AGBL1: variants seen among roughly 807,000 people sequenced by gnomAD.
AGBL1 encodes AGBL carboxypeptidase 1, also known as cytosolic carboxypeptidase 4.
AGBL1 carries 130 observed loss-of-function variants against 118.9 expected under a neutral mutation model. The ratio of observed to expected loss-of-function variants is 1.09; its 90% CI spans 0.95 to 1.26. The LOEUF (loss-of-function observed/expected upper bound fraction) is 1.26. AGBL1 is among the 50% of genes most tolerant of loss of function. The pLI is 0.00. For synonymous variants in AGBL1, 555 were observed against 478.9 expected, an observed-to-expected ratio of 1.16 and a Z score of -2.08; for missense variants, 1,584 against 1,298.1, an observed-to-expected ratio of 1.22 and a Z score of -3.38.
chr15:86,715,999 G>C (rs2086632423), intron 22 of AGBL1, among the ~76,000 whole-genome samples: 1 of 151,322 alleles, frequency 6.6e-6, no homozygotes, highest in African/African-American at 2.4e-5. Context: ...CCGGGAGGTG[G>C]AGCTTGCAGT....
At chr15:86,741,537 G>A (rs915566885) in intron 22 of AGBL1, among the ~76,000 whole-genome samples, 1 of 151,836 alleles carries the variant, frequency 6.6e-6, no homozygotes, top group Non-Finnish European at 1.5e-5. Context: ...CATTATGGTG[G>A]GGACAATGTT....
intron 1 of AGBL1, among the ~76,000 whole-genome samples, chr15:86,109,496 T>G (rs570065410): frequency 6.4e-4 from 98 of 152,370 alleles, no homozygotes; most frequent in South Asian, 2.1e-3. Context: ...ACATTTTATA[T>G]AATACCATTT....
intron 21 of AGBL1, among the ~76,000 whole-genome samples, chr15:86,603,788 C>T (rs1227986148): frequency 1.3e-5 from 2 of 152,092 alleles, no homozygotes; most frequent in African/African-American, 2.4e-5. Context: ...TGGAAGGAAC[C>T]CAGAGGGCCC....
rs1249977160 is a variant in AGBL1, at chr15:86,914,726, A to G, written c.*7432A>G. ...ATACAGGTAGTAAGTAGCAGATCAC[A>G]ACCTTAACTCAGGCAATCGGACTCT... On this transcript the variant is annotated 3_prime_UTR_variant, in exon 23 of 23. Transcript: ENST00000614907. 1 of 152,190 alleles carries G rather than the reference A, an allele frequency of 6.6e-6. No individual in the cohort carries two copies. The highest frequency in any genetic ancestry group is 1.9e-4 in the East Asian group (1 of 5,188). The allele number at this position is 152,190 out of a possible 1,614,324, so 9.4% of individuals were successfully genotyped here.
chr15:86,247,683 G>T lies in AGBL1; in HGVS notation c.539G>T (p.Arg180Leu), dbSNP rs534090396. ...AALLKSKSNG[R>L]RAVNRGYVTS... The stretch of plus-strand genomic sequence containing the variant: ...CCTTTGTTTTCAGAGTCGAACGGCC[G>T]CAGAGCAGTGAACCGAGGCTACGTC... The change falls in exon 7 of 23, where the codon CGC becomes CTC. Residue 180 changes from arginine to leucine, a missense_variant. Arg to Leu is a moderately radical substitution (Grantham distance 102). Transcript: ENST00000614907. 5.0e-6 allele frequency: 8 copies of T among 1,606,360 alleles called. No individual in the cohort carries two copies. In the Admixed American group the frequency reaches 6.8e-5, roughly 14 times the overall value.
intron 21 of AGBL1, among the ~76,000 whole-genome samples, chr15:86,595,337 C>T (rs2084390687): frequency 6.6e-6 from 1 of 152,148 alleles, no homozygotes; most frequent in Admixed American, 6.5e-5. Flanking sequence ...TGCTTCAAAA[C>T]TTGCTCCTCT....
intron 21 of AGBL1, among the ~76,000 whole-genome samples, chr15:86,600,100 A>G (rs1239721122): frequency 6.6e-6 from 1 of 152,108 alleles, no homozygotes; most frequent in Non-Finnish European, 1.5e-5. Context: ...CTTTCCAGTT[A>G]TTACTGATCT....
chr15:87,002,981 A>C (rs62031583), intron 24 of AGBL1, among the ~76,000 whole-genome samples: 2 of 152,088 alleles, frequency 1.3e-5, no homozygotes, highest in Non-Finnish European at 2.9e-5. Flanking sequence ...CTTTCCCCTG[A>C]CTGATTGCCC....
chr15:86,658,304 T>C (rs535977964), intron 21 of AGBL1, among the ~76,000 whole-genome samples: 8 of 152,286 alleles, frequency 5.3e-5, no homozygotes, highest in Admixed American at 2.0e-4. Flanking sequence ...AGGGATTTTG[T>C]CCTTAGCCTG....
intron 13 of AGBL1, among the ~76,000 whole-genome samples, chr15:86,268,111 A>G (rs1365726876): frequency 6.6e-6 from 1 of 152,176 alleles, no homozygotes; most frequent in Non-Finnish European, 1.5e-5. Context: ...AGGGATGCAT[A>G]TTCGCCATTG....
chr15:86,762,734 CT>C (rs1413970463), intron 22 of AGBL1, among the ~76,000 whole-genome samples: 1 of 151,968 alleles, frequency 6.6e-6, no homozygotes, highest in African/African-American at 2.4e-5. Context: ...GTTTCTTTAT[CT>C]CTGAAAACAG....
At chr15:86,753,052 A>G (rs2077879033) in intron 22 of AGBL1, among the ~76,000 whole-genome samples, 1 of 151,544 alleles carries the variant, frequency 6.6e-6, no homozygotes, top group South Asian at 2.1e-4. Context: ...CTCCTTGACA[A>G]CTCTTTTCTT....
intron 5 of AGBL1, among the ~76,000 whole-genome samples, chr15:86,214,755 G>C (rs950126061): frequency 2.6e-5 from 4 of 152,190 alleles, no homozygotes; most frequent in African/African-American, 4.8e-5. Flanking sequence ...CTCCTTTGCA[G>C]AGTCTCTGCT....
intron 22 of AGBL1, among the ~76,000 whole-genome samples, chr15:86,894,880 G>A (rs988139140): frequency 7.9e-5 from 12 of 152,188 alleles, no homozygotes. Flanking sequence ...AGATAGAAAG[G>A]TTGGCAGGAG....
chr15:86,957,031 A>G (rs550741170), intron 23 of AGBL1, among the ~76,000 whole-genome samples: 11 of 152,226 alleles, frequency 7.2e-5, no homozygotes, highest in African/African-American at 2.6e-4. Flanking sequence ...AAAAAACATG[A>G]CATGAAACAT....
Position 86,256,948 on chromosome 15 carries a change from A to G in AGBL1, c.831A>G (p.Thr277=), listed in dbSNP as rs1419262726. The change falls in exon 8 of 23, where the codon ACA becomes ACG. Residue 277 remains threonine, a synonymous_variant. Transcript: ENST00000614907. The part of the protein sequence containing the change: ...CYPTSPLPLV[T]ASSAYAFPVP... ...CTACGAGTCCACTTCCCTTGGTCACAGCCAGCAGTGCCTATGCCTTCCCGG... is the reference window on the plus strand; with the variant it reads ...CTACGAGTCCACTTCCCTTGGTCACGGCCAGCAGTGCCTATGCCTTCCCGG... 6.2e-7 allele frequency: 1 copy of G among 1,613,972 alleles called. No homozygotes were observed. Among genetic ancestry groups the G allele is most frequent in the East Asian group, 2.2e-5 (1 of 44,868 alleles).
intron 18 of AGBL1, among the ~76,000 whole-genome samples, chr15:86,509,128 G>A (rs1483317478): frequency 6.6e-6 from 1 of 152,116 alleles, no homozygotes; most frequent in Non-Finnish European, 1.5e-5. Flanking sequence ...CACACAGCCA[G>A]AATCCGGTGA....
intron 17 of AGBL1, among the ~76,000 whole-genome samples, chr15:86,326,908 C>T (rs1231611791): frequency 6.6e-6 from 1 of 151,370 alleles, no homozygotes; most frequent in Non-Finnish European, 1.5e-5. Context: ...TCCCCCATAT[C>T]CTCGAGTTTT....
At chr15:86,880,662 T>A (rs2079878049) in intron 22 of AGBL1, among the ~76,000 whole-genome samples, 1 of 152,112 alleles carries the variant, frequency 6.6e-6, no homozygotes, top group Admixed American at 6.6e-5. Flanking sequence ...TGTGTGTGGA[T>A]GTGAGTGGGT....
Sources: gnomAD v4.1 joint callset for allele counts (sites outside exome capture counted in the v4.1 genomes callset) on GRCh38, gnomAD v4.1.1 for gene constraint, MANE v1.5 for transcripts, NCBI Gene and HGNC (gene_info 2026-07-23, HGNC 2026-07-21) for gene names.